Variants in ADGRL2 observed in about 807,000 individuals in gnomAD.
ADGRL2 encodes the protein calcium-independent alpha-latrotoxin receptor 2.
Under a neutral mutation model 157.4 loss-of-function variants are expected in ADGRL2, and 44 were observed. The observed-to-expected ratio is 0.28, with a 90% CI of 0.22 to 0.36. The LOEUF is 0.36. Ranked by LOEUF, ADGRL2 falls within the 10% of genes least tolerant of loss-of-function variation. The pLI, the probability that ADGRL2 is intolerant of heterozygous loss-of-function variation, is 1.00. For missense variants in ADGRL2, 1,510 were observed against 1,768.9 expected (o/e 0.85, Z 2.63); for synonymous variants, 585 against 624.7 (o/e 0.94, Z 0.95).
intron 1 of ADGRL2, among the ~76,000 whole-genome samples, chr1:81,309,761 C>T (rs1055135544): frequency 4.6e-5 from 7 of 152,134 alleles, no homozygotes; most frequent in African/African-American, 9.7e-5. Context: ...AATTGACTGA[C>T]TTGTCTACTG....
intron 1 of ADGRL2, among the ~76,000 whole-genome samples, chr1:81,435,879 C>T (rs2077399962): frequency 6.6e-6 from 1 of 152,016 alleles, no homozygotes; most frequent in African/African-American, 2.4e-5. Context: ...GGTGGATCAC[C>T]TGAGGTCGGG....
intron 15 of ADGRL2, among the ~76,000 whole-genome samples, 190 bp from the exon 16 acceptor site, chr1:81,970,124 C>T (rs1658286967): frequency 6.6e-6 from 1 of 152,052 alleles, no homozygotes; most frequent in Admixed American, 6.6e-5. Flanking sequence ...ACATGATAAT[C>T]TTCAGATTTG....
At chr1:81,722,498 A>C in intron 1 of ADGRL2, 1 of 1,558,274 alleles carries the variant, frequency 6.4e-7, no homozygotes, top group East Asian at 2.2e-5. Flanking sequence ...AAATGCTGCC[A>C]TCCAAGACTG....
intron 3 of ADGRL2, chr1:81,596,470 G>C (rs773309789): frequency 4.4e-6 from 2 of 452,450 alleles, no homozygotes; most frequent in Non-Finnish European, 8.6e-6. Context: ...GTCACCTCCG[G>C]CTCCAAGGGT....
At chr1:81,647,360 T>C (rs985592278) in intron 3 of ADGRL2, among the ~76,000 whole-genome samples, 4 of 152,138 alleles carry the variant, frequency 2.6e-5, no homozygotes, top group Non-Finnish European at 5.9e-5. Flanking sequence ...GCATCCCTAA[T>C]CTGAAAATTT....
At position 81,374,612 on chromosome 1, in the gene ADGRL2, G is replaced by A. The variant is rs140576723; in HGVS notation, c.-302+68103G>A. Among the ~76,000 whole-genome samples the A allele has an allele frequency of 4.8e-4, 64 of 133,978 alleles. 1 individual carries two copies. The East Asian group carries it at 0.013, about 27-fold the overall frequency. 87.9% of individuals were successfully genotyped at this position (133,978 alleles called of 152,430 possible). Reference sequence around the variant, plus strand: ...AACAAGTTGCCTTGCTAGGAGACTAGTGAAATGAGTAGGGCAAGTCCGCCT... The same window carrying A: ...AACAAGTTGCCTTGCTAGGAGACTAATGAAATGAGTAGGGCAAGTCCGCCT... On this transcript the variant is annotated intron_variant, in intron 1 of 24. Transcript: ENST00000370721.
chr1:81,600,482 A>G (rs746360468), intron 3 of ADGRL2, among the ~76,000 whole-genome samples: 51 of 152,338 alleles, frequency 3.3e-4, no homozygotes, highest in East Asian at 2.5e-3. Flanking sequence ...GCAAACGCAG[A>G]GAGATGCCCC....
chr1:81,319,765 C>G (rs1396666363), intron 1 of ADGRL2, among the ~76,000 whole-genome samples: 4 of 152,136 alleles, frequency 2.6e-5, no homozygotes, highest in Non-Finnish European at 4.4e-5. Context: ...CTTCTAAGCC[C>G]TCTAGGTCAG....
At chr1:81,405,812 T>C (rs766451064) in intron 1 of ADGRL2, among the ~76,000 whole-genome samples, 3 of 152,116 alleles carry the variant, frequency 2.0e-5, no homozygotes, top group Non-Finnish European at 4.4e-5. Flanking sequence ...ATCATAAATA[T>C]GACATGTAAA....
Position 81,546,257 on chromosome 1 carries a change from G to C in ADGRL2, c.-247-34619G>C, listed in dbSNP as rs6686392. Among the ~76,000 whole-genome samples the C allele has an allele frequency of 7.7e-3, 1,179 of 152,244 alleles. 15 individuals carry two copies. The highest frequency in any genetic ancestry group is 0.027 in the African/African-American group (1,133 of 41,524). ...AAATTTTACCATATCTTTCTGCCCA[G>C]CACTATGGGTTACACGTGAACTTGG... On this transcript the variant is annotated intron_variant, in intron 2 of 24. Transcript: ENST00000370721.
intron 2 of ADGRL2, among the ~76,000 whole-genome samples, chr1:81,562,936 C>G (rs115285315): frequency 1.3e-5 from 2 of 152,106 alleles, no homozygotes; most frequent in African/African-American, 4.8e-5. Context: ...TTTATTCATT[C>G]GCCCATTCAA....
chr1:81,454,424 T>A (rs2101758585), intron 2 of ADGRL2, among the ~76,000 whole-genome samples: 1 of 152,332 alleles, frequency 6.6e-6, no homozygotes, highest in South Asian at 2.1e-4. Context: ...CCAAGTATCA[T>A]CTTTGTATTG....
At chr1:81,905,183 C>T (rs894146548) in intron 2 of ADGRL2, among the ~76,000 whole-genome samples, 1 of 151,652 alleles carries the variant, frequency 6.6e-6, no homozygotes, top group Non-Finnish European at 1.5e-5. Context: ...CTGCAACCCC[C>T]GCCTCCCAGG....
At chr1:81,962,305 C>G (rs1655682387) in intron 11 of ADGRL2, among the ~76,000 whole-genome samples, 1 of 151,920 alleles carries the variant, frequency 6.6e-6, no homozygotes. Context: ...GATTTATTAC[C>G]TATGTTAGTT....
At chr1:81,695,864 C>T (rs78311347), upstream of ADGRL2, among the ~76,000 whole-genome samples, 8 of 151,726 alleles carry the variant, frequency 5.3e-5, no homozygotes, top group Non-Finnish European at 7.4e-5. Flanking sequence ...CCTTGAAATT[C>T]CTCCCTGGCT....
intron 3 of ADGRL2, among the ~76,000 whole-genome samples, chr1:81,672,242 T>C (rs977737682): frequency 6.6e-6 from 1 of 152,186 alleles, no homozygotes; most frequent in Non-Finnish European, 1.5e-5. Flanking sequence ...TGTCTCCCGG[T>C]GTAGAAAGAG....
intron 1 of ADGRL2, among the ~76,000 whole-genome samples, chr1:81,424,923 T>C (rs568421354): frequency 2.1e-4 from 32 of 152,216 alleles, no homozygotes; most frequent in Non-Finnish European, 4.3e-4. Flanking sequence ...TACTATTATT[T>C]GAAGACCCGC....
rs1012382134 is a variant in ADGRL2, at chr1:81,308,470, G to A, written c.-302+1961G>A. On this transcript the variant is annotated intron_variant, in intron 1 of 24. Coordinates refer to the ADGRL2 transcript ENST00000370721. ...CTGATTATGTGAACTTGAGACTAGT[G>A]TGAAACTAAAGGATGCCCTTTCAGA... 1.1e-4 allele frequency among the ~76,000 whole-genome samples: 16 copies of A among 152,178 alleles called. 1 individual carries two copies. Among genetic ancestry groups the A allele is most frequent in the African/African-American group, 3.6e-4 (15 of 41,456 alleles).
At chr1:81,593,819 C>A (rs2081179282) in intron 3 of ADGRL2, among the ~76,000 whole-genome samples, 1 of 152,152 alleles carries the variant, frequency 6.6e-6, no homozygotes, top group African/African-American at 2.4e-5. Flanking sequence ...GTATCTCTAT[C>A]CACATCTGAG....
Sources: gnomAD v4.1 joint callset for allele counts (sites outside exome capture counted in the v4.1 genomes callset) on GRCh38, gnomAD v4.1.1 for gene constraint, MANE v1.5 for transcripts, NCBI Gene and HGNC (gene_info 2026-07-23, HGNC 2026-07-21) for gene names.